SMARCA2: variants seen among roughly 807,000 people sequenced by gnomAD.
SMARCA2 encodes the protein SWI/SNF-related matrix-associated actin-dependent regulator of chromatin subfamily A member 2.
In SMARCA2, 61 loss-of-function variants were observed where a neutral mutation model predicts 199.8. That is an observed-to-expected ratio of 0.31 (90% CI 0.25 to 0.38). The LOEUF is 0.38. SMARCA2 is among the 10% of genes least tolerant of loss of function. The probability of loss-of-function intolerance (pLI) is 1.00; values close to 1 mark genes in which losing one functional copy is unlikely to be tolerated. For missense variants in SMARCA2, 1,344 were observed against 2,012.2 expected (o/e 0.67, Z 6.35); for synonymous variants, 935 against 732.0 (o/e 1.28, Z -4.48).
intron 9 of SMARCA2, among the ~76,000 whole-genome samples, chr9:2,065,917 C>T (rs575869879): frequency 6.7e-4 from 102 of 152,292 alleles, no homozygotes; most frequent in African/African-American, 2.3e-3. Context: ...CGAGAAAAGT[C>T]CTGTTTAACT....
rs1278165223 is a variant in SMARCA2 at position 2,170,818 on chromosome 9, C to G, written c.4253+346C>G. On this transcript the variant is annotated intron_variant, in intron 29 of 33. Coordinates refer to ENST00000349721, the MANE Select transcript of SMARCA2 (RefSeq NM_003070.5). The surrounding 1 kb of genome is among the most constrained non-coding windows in gnomAD (Gnocchi z 4.7). ...CAGCTTCTGTTGTGTGTTCCTTGGG[C>G]CTCTTTAACTCTGTGCTGTCTTGGT... Among the ~76,000 whole-genome samples the G allele has an allele frequency of 1.3e-5, 2 of 152,214 alleles. No individual in the cohort carries two copies. Among genetic ancestry groups the G allele is most frequent in the African/African-American group, 4.8e-5 (2 of 41,448 alleles).
intron 18 of SMARCA2, 157 bp downstream of exon 18, chr9:2,087,228 G>A: frequency 1.2e-6 from 1 of 857,744 alleles, no homozygotes; most frequent in South Asian, 1.7e-5. Context: ...GTCTTGTGGT[G>A]GGGTTATTTT....
chr9:2,092,107 A>G (rs185356734), intron 19 of SMARCA2, among the ~76,000 whole-genome samples: 1 of 152,364 alleles, frequency 6.6e-6, no homozygotes, highest in East Asian at 1.9e-4. Flanking sequence ...CTTAAGCTAA[A>G]TAAAAATTGA....
intron 22 of SMARCA2, among the ~76,000 whole-genome samples, chr9:2,102,050 G>A (rs1394070309): frequency 6.6e-6 from 1 of 152,056 alleles, no homozygotes; most frequent in Non-Finnish European, 1.5e-5. Context: ...TGTGGTCTGT[G>A]TAAGAAATGT....
intron 16 of SMARCA2, 39 bp from the exon 17 acceptor site, chr9:2,084,047 T>C: frequency 9.3e-7 from 1 of 1,079,406 alleles, no homozygotes; most frequent in South Asian, 1.3e-5. Flanking sequence ...CACATATATG[T>C]CCATAGGATC....
Position 2,029,119 on chromosome 9 carries a change from C to T in SMARCA2, c.97C>T (p.Pro33Ser), listed in dbSNP as rs146990134. ...PGPILGPSPG[P>S]GPSPGSVHSM... Reference sequence around the variant, plus strand: ...GCCAATTCTTGGGCCTAGTCCAGGACCAGGACCATCCCCAGGTTCCGTCCA... The same window carrying T: ...GCCAATTCTTGGGCCTAGTCCAGGATCAGGACCATCCCCAGGTTCCGTCCA... Residue 33 changes from proline to serine, a missense_variant, in exon 2 of 34, where the codon CCA becomes TCA. Pro to Ser is a moderately conservative substitution (Grantham distance 74). Coordinates refer to ENST00000349721, the MANE Select transcript of SMARCA2 (RefSeq NM_003070.5). 675 of 1,605,586 alleles carry T rather than the reference C, an allele frequency of 4.2e-4. 1 individual carries two copies. The highest frequency in any genetic ancestry group is 5.5e-4 in the Non-Finnish European group (644 of 1,175,502).
intron 29 of SMARCA2, 26 bp from the exon 30 acceptor site, chr9:2,181,545 T>TTTTG (rs776015366): frequency 1.7e-6 from 2 of 1,150,638 alleles, no homozygotes; most frequent in East Asian, 2.3e-5. Context: ...TGTGGCTTGT[T>TTTTG]TTTGTTTGTT....
Position 2,104,225 on chromosome 9 carries a change from T to C in SMARCA2, c.3292+56T>C. 1 of 1,489,422 alleles carries C rather than the reference T, an allele frequency of 6.7e-7. No homozygotes were observed. The highest frequency in any genetic ancestry group is 9.3e-7 in the Non-Finnish European group (1 of 1,079,144). 92.3% of individuals were successfully genotyped at this position (1,489,422 alleles called of 1,614,324 possible). A position where few individuals can be genotyped will look rare whatever the true frequency, so the allele number is the denominator to read the frequency against. Reference sequence around the variant, plus strand: ...CATACTACTGAAAATGAAGGGATAATGGGCACTTAGGTCCAATCTCAGCCA... The same window carrying C: ...CATACTACTGAAAATGAAGGGATAACGGGCACTTAGGTCCAATCTCAGCCA... On this transcript the variant is annotated intron_variant, in intron 23 of 33. Transcript: ENST00000349721. This position sits in a 1 kb window ranked among gnomAD's most constrained non-coding sequence, Gnocchi z 4.0.
intron 13 of SMARCA2, 99 bp from the exon 14 acceptor site, chr9:2,077,530 T>C (rs1821380086): frequency 4.4e-6 from 5 of 1,134,244 alleles, no homozygotes; most frequent in East Asian, 2.4e-5. Context: ...AACACACTTA[T>C]TGCAGCTATT....
intron 29 of SMARCA2, among the ~76,000 whole-genome samples, chr9:2,174,747 C>G (rs1350392381): frequency 2.6e-5 from 4 of 151,686 alleles, no homozygotes; most frequent in African/African-American, 7.3e-5. Flanking sequence ...ATGGTGGAAG[C>G]CTGTCTCTAC....
At chr9:2,185,017 T>G (rs1049929024) in intron 31 of SMARCA2, among the ~76,000 whole-genome samples, 1 of 152,220 alleles carries the variant, frequency 6.6e-6, no homozygotes, top group African/African-American at 2.4e-5. Context: ...TTATTTTCCT[T>G]TAAATTTTTA....
At chr9:2,147,593 C>G (rs957832593) in intron 27 of SMARCA2, among the ~76,000 whole-genome samples, 2 of 152,136 alleles carry the variant, frequency 1.3e-5, no homozygotes, top group African/African-American at 4.8e-5. Flanking sequence ...CGCCTGTAAT[C>G]CTAGCACTTT....
intron 16 of SMARCA2, 67 bp from the exon 17 acceptor site, chr9:2,084,019 G>A: frequency 2.4e-6 from 2 of 836,502 alleles, no homozygotes; most frequent in Admixed American, 2.0e-5. Flanking sequence ...ATTAAGCTAT[G>A]AAAAGTGAGA....
At chr9:2,191,206 C>G (rs1227280070) in intron 32 of SMARCA2, 60 bp from the exon 33 acceptor site, 1 of 1,528,118 alleles carries the variant, frequency 6.5e-7, no homozygotes, top group Middle Eastern at 1.7e-4. Context: ...GTCTTACCAC[C>G]TATACAAAGA....
chr9:2,158,993 T>C, intron 27 of SMARCA2: 1 of 1,611,624 alleles, frequency 6.2e-7, no homozygotes, highest in East Asian at 2.2e-5. Context: ...GTACTTTGTG[T>C]GTTTCCTTGT....
intron 21 of SMARCA2, among the ~76,000 whole-genome samples, chr9:2,099,925 AATGGAGACC>A (rs1468919218): frequency 6.6e-6 from 1 of 152,172 alleles, no homozygotes; most frequent in African/African-American, 2.4e-5. Flanking sequence ...GATGGAGCCT[AATGGAGACC>A]ATGGGTTTGG....
intron 27 of SMARCA2, among the ~76,000 whole-genome samples, chr9:2,149,582 A>G (rs181269734): frequency 7.3e-5 from 11 of 151,566 alleles, no homozygotes; most frequent in African/African-American, 2.2e-4. Flanking sequence ...TTTATTCACT[A>G]CCATGAGAAC....
chr9:2,188,808 C>A (rs1229137364), intron 32 of SMARCA2, among the ~76,000 whole-genome samples: 1 of 152,200 alleles, frequency 6.6e-6, no homozygotes, highest in African/African-American at 2.4e-5. Flanking sequence ...ATCCCATTTC[C>A]TTGTTCATCC....
At chr9:2,162,848 T>G (rs963482198) in intron 28 of SMARCA2, 1 of 152,172 alleles carries the variant, frequency 6.6e-6, no homozygotes, top group Non-Finnish European at 1.5e-5. Flanking sequence ...GCTCCCTGCT[T>G]CCAAAATCCA....
Sources: gnomAD v4.1 joint callset for allele counts (sites outside exome capture counted in the v4.1 genomes callset) on GRCh38, gnomAD v4.1.1 for gene constraint, Gnocchi (gnomAD v3.1) non-coding constraint, MANE v1.5 for transcripts, NCBI Gene and HGNC (gene_info 2026-07-23, HGNC 2026-07-21) for gene names.